BCKDHB: variants seen among roughly 807,000 people sequenced by gnomAD.
The protein encoded by BCKDHB is branched chain keto acid dehydrogenase E1 subunit beta.
Under a neutral mutation model 48.5 loss-of-function variants are expected in BCKDHB, and 41 were observed. The observed-to-expected ratio is 0.85, with a 90% CI of 0.66 to 1.10. The LOEUF is 1.10. BCKDHB is among the 50% of genes least tolerant of loss of function. The pLI, the probability that BCKDHB is intolerant of heterozygous loss-of-function variation, is 0.00. For missense variants in BCKDHB, 496 were observed against 494.2 expected, an observed-to-expected ratio of 1.00 and a Z score of -0.03; for synonymous variants, 201 against 174.8, an observed-to-expected ratio of 1.15 and a Z score of -1.18.
the BCKDHB span, among the ~76,000 whole-genome samples, chr6:80,368,947 A>T: frequency 6.6e-6 from 1 of 151,098 alleles, no homozygotes; most frequent in Non-Finnish European, 1.5e-5. Flanking sequence ...CGAAAGGCAG[A>T]GGTTGCAGTG....
intron 1 of BCKDHB, among the ~76,000 whole-genome samples, chr6:80,117,591 C>T (rs915695087): frequency 4.6e-5 from 7 of 152,292 alleles, no homozygotes; most frequent in South Asian, 2.1e-4. Context: ...TGTGGGTTTA[C>T]GGGGATGAGG....
chr6:80,346,320 TCA>T (rs1456438335), downstream of BCKDHB: 1 of 152,188 alleles, frequency 6.6e-6, no homozygotes, highest in Non-Finnish European at 1.5e-5. Flanking sequence ...AGTTTTTGTT[TCA>T]GAGTAATAGC....
chr6:80,323,454 T>G (rs1193454506), intron 9 of BCKDHB, among the ~76,000 whole-genome samples: 5 of 152,194 alleles, frequency 3.3e-5, no homozygotes, highest in Non-Finnish European at 7.3e-5. Context: ...ACATGAATTT[T>G]AAGACACTAA....
In BCKDHB at chr6:80,121,285, G is replaced by A. The variant is rs866016101; in HGVS notation, c.197-6262G>A. Among the ~76,000 whole-genome samples, 11 of 152,342 alleles carry A rather than the reference G, an allele frequency of 7.2e-5. No homozygotes were observed. In the Middle Eastern group the frequency reaches 0.01, roughly 141 times the overall value. Reference sequence around the variant, plus strand: ...CTGTAGCCTTGTAGTATAGTTTGAAGTCAGGTAGTGTGATACCTTTAGCTT... The same window carrying A: ...CTGTAGCCTTGTAGTATAGTTTGAAATCAGGTAGTGTGATACCTTTAGCTT... On this transcript the variant is annotated intron_variant, in intron 1 of 9. Transcript: ENST00000320393.
chr6:80,327,703 C>T (rs546865695), intron 9 of BCKDHB, among the ~76,000 whole-genome samples: 1 of 152,142 alleles, frequency 6.6e-6, no homozygotes, highest in Non-Finnish European at 1.5e-5. Context: ...TTTCCCCACC[C>T]ATTTTGTTTA....
intron 6 of BCKDHB, among the ~76,000 whole-genome samples, chr6:80,183,576 A>G (rs1010281601): frequency 1.3e-5 from 2 of 152,170 alleles, no homozygotes; most frequent in African/African-American, 4.8e-5. Flanking sequence ...ATTTTTTACA[A>G]TTGATGACCT....
the BCKDHB span, among the ~76,000 whole-genome samples, chr6:80,439,068 A>G: frequency 6.6e-6 from 1 of 152,220 alleles, no homozygotes; most frequent in African/African-American, 2.4e-5. Flanking sequence ...CCCCTGCCAC[A>G]TACAGAAAAC....
chr6:80,375,915 G>T, the BCKDHB span, among the ~76,000 whole-genome samples: 1 of 152,112 alleles, frequency 6.6e-6, no homozygotes, highest in African/African-American at 2.4e-5. Flanking sequence ...TTTTTATTAC[G>T]TGTGTTGGTT....
At chr6:80,142,406 G>A (rs1418009117) in intron 3 of BCKDHB, among the ~76,000 whole-genome samples, 1 of 151,970 alleles carries the variant, frequency 6.6e-6, no homozygotes, top group Non-Finnish European at 1.5e-5. Context: ...GCCATTCCTA[G>A]GTATAGCTGA....
the BCKDHB span, among the ~76,000 whole-genome samples, chr6:80,361,034 A>C: frequency 6.6e-6 from 1 of 151,978 alleles, no homozygotes; most frequent in African/African-American, 2.4e-5. Flanking sequence ...AAATGAAAAA[A>C]AATTAGAAAG....
intron 9 of BCKDHB, among the ~76,000 whole-genome samples, chr6:80,319,608 A>G (rs1047816712): frequency 4.6e-5 from 7 of 152,202 alleles, no homozygotes; most frequent in African/African-American, 1.4e-4. Context: ...AAGTGGTTGC[A>G]TTTTGAAGGC....
chr6:80,107,249 G>T (rs2490234), intron 1 of BCKDHB, among the ~76,000 whole-genome samples: 1 of 148,802 alleles, frequency 6.7e-6, no homozygotes, highest in African/African-American at 2.5e-5. Flanking sequence ...TTCCAGCCTG[G>T]CCAGGACTGG....
At chr6:80,227,924 A>G (rs957010647) in intron 8 of BCKDHB, among the ~76,000 whole-genome samples, 2 of 152,166 alleles carry the variant, frequency 1.3e-5, no homozygotes, top group African/African-American at 4.8e-5. Context: ...ATTTTTTCTT[A>G]TGATTGTGGG....
chr6:80,134,007 C>T (rs1012494836), intron 3 of BCKDHB, among the ~76,000 whole-genome samples: 7 of 151,940 alleles, frequency 4.6e-5, no homozygotes, highest in African/African-American at 1.5e-4. Flanking sequence ...AAAATCCATT[C>T]GTATTGTCAT....
At chr6:80,393,585 A>T in the BCKDHB span, among the ~76,000 whole-genome samples, 3 of 152,320 alleles carry the variant, frequency 2.0e-5, no homozygotes, top group South Asian at 6.2e-4. Flanking sequence ...AACAAATCTT[A>T]CAGTTGTTTA....
At chr6:80,336,703 A>G (rs1041422143) in intron 9 of BCKDHB, among the ~76,000 whole-genome samples, 1 of 152,056 alleles carries the variant, frequency 6.6e-6, no homozygotes, top group Non-Finnish European at 1.5e-5. Context: ...TAAGTGTTAT[A>G]CAAATCTGGA....
intron 1 of BCKDHB, among the ~76,000 whole-genome samples, chr6:80,118,066 G>A (rs1229920546): frequency 6.6e-6 from 1 of 152,172 alleles, no homozygotes; most frequent in Non-Finnish European, 1.5e-5. Context: ...ATGTCACTGT[G>A]ATTGGGAAAA....
chr6:80,317,053 T>C (rs1768483548), intron 9 of BCKDHB, among the ~76,000 whole-genome samples: 1 of 152,202 alleles, frequency 6.6e-6, no homozygotes, highest in Non-Finnish European at 1.5e-5. Flanking sequence ...GTATTCCAAT[T>C]GCTTTCATCT....
the BCKDHB span, among the ~76,000 whole-genome samples, chr6:80,426,239 G>A: frequency 7.2e-5 from 11 of 152,210 alleles, no homozygotes; most frequent in East Asian, 1.5e-3. Context: ...CACTCTATAG[G>A]ATGTTGAATT....
Sources: gnomAD v4.1 joint callset for allele counts (sites outside exome capture counted in the v4.1 genomes callset) on GRCh38, gnomAD v4.1.1 for gene constraint, MANE v1.5 for transcripts, NCBI Gene and HGNC (gene_info 2026-07-23, HGNC 2026-07-21) for gene names.